The following SLC39A11 variants were observed in gnomAD, a reference collection of about 807,000 sequenced individuals.
SLC39A11 encodes zinc transporter ZIP11.
Under a neutral mutation model 36.1 loss-of-function variants are expected in SLC39A11, and 33 were observed. That is an observed-to-expected ratio of 0.91 (90% CI 0.69 to 1.22). SLC39A11 has a LOEUF of 1.22. SLC39A11 is among the 50% of genes most tolerant of loss of function. The pLI is 0.00. For missense variants in SLC39A11, 432 were observed against 430.3 expected, an observed-to-expected ratio of 1.00 and a Z score of -0.03; for synonymous variants, 166 against 170.3, an observed-to-expected ratio of 0.97 and a Z score of 0.20.
chr17:72,750,276 G>A (rs944167294), intron 6 of SLC39A11, among the ~76,000 whole-genome samples: 32 of 152,188 alleles, frequency 2.1e-4, no homozygotes, highest in African/African-American at 6.5e-4. Flanking sequence ...GGTTGGACCC[G>A]ATTGCCTTGT....
At chr17:72,889,119 C>T (rs549661154) in intron 5 of SLC39A11, among the ~76,000 whole-genome samples, 1 of 152,088 alleles carries the variant, frequency 6.6e-6, no homozygotes, top group Admixed American at 6.6e-5. Flanking sequence ...AATTTATAAA[C>T]GTTTAGAGAT....
chr17:72,826,757 G>C (rs971595837), intron 6 of SLC39A11, among the ~76,000 whole-genome samples: 1 of 152,146 alleles, frequency 6.6e-6, no homozygotes, highest in African/African-American at 2.4e-5. Context: ...AATGCTCACT[G>C]CTATTAGTCA....
At chr17:73,076,225 T>C (rs931976284) in intron 3 of SLC39A11, among the ~76,000 whole-genome samples, 1 of 150,166 alleles carries the variant, frequency 6.7e-6, no homozygotes, top group Admixed American at 6.6e-5. Flanking sequence ...TACTAGAGAC[T>C]TGGAGAGTAA....
At chr17:72,991,599 T>TCCCACC (rs1555669378) in intron 4 of SLC39A11, among the ~76,000 whole-genome samples, 340 of 150,750 alleles carry the variant, frequency 2.3e-3, no homozygotes, top group African/African-American at 8.0e-3. Context: ...TCTCAGATAA[T>TCCCACC]CCCCCCGCCT....
intron 3 of SLC39A11, among the ~76,000 whole-genome samples, chr17:73,053,206 CA>C (rs1376609816): frequency 6.6e-6 from 1 of 151,264 alleles, no homozygotes; most frequent in African/African-American, 2.4e-5. Flanking sequence ...ACAACAGAAA[CA>C]ACCATTATGT....
chr17:73,025,013 G>A (rs2058485782), intron 4 of SLC39A11, among the ~76,000 whole-genome samples: 1 of 151,966 alleles, frequency 6.6e-6, no homozygotes, highest in Non-Finnish European at 1.5e-5. Flanking sequence ...ACCGCGCCTG[G>A]CCAAAACTGG....
At chr17:72,899,378 C>A (rs535490644) in intron 5 of SLC39A11, among the ~76,000 whole-genome samples, 1 of 152,096 alleles carries the variant, frequency 6.6e-6, no homozygotes, top group Non-Finnish European at 1.5e-5. Flanking sequence ...AACCAACAAT[C>A]GTAATTATTT....
At chr17:72,885,360 T>C (rs1458669131) in intron 5 of SLC39A11, among the ~76,000 whole-genome samples, 5 of 152,170 alleles carry the variant, frequency 3.3e-5, no homozygotes, top group African/African-American at 9.7e-5. Context: ...ATAATTTGAT[T>C]AGTAATTTTT....
chr17:72,899,584 G>T (rs2082213787), intron 5 of SLC39A11, among the ~76,000 whole-genome samples: 1 of 152,100 alleles, frequency 6.6e-6, no homozygotes, highest in Non-Finnish European at 1.5e-5. Flanking sequence ...TCATCATCAG[G>T]ATTATAGCAA....
At chr17:73,084,509 T>C (rs1381662131) in intron 3 of SLC39A11, among the ~76,000 whole-genome samples, 1 of 148,238 alleles carries the variant, frequency 6.7e-6, no homozygotes, top group African/African-American at 2.5e-5. Flanking sequence ...GGAAAAAGTA[T>C]ATTTAGTTAG....
At chr17:72,679,347 T>C (rs1182644877) in intron 7 of SLC39A11, among the ~76,000 whole-genome samples, 1 of 152,180 alleles carries the variant, frequency 6.6e-6, no homozygotes, top group Non-Finnish European at 1.5e-5. Flanking sequence ...GATTTGATCA[T>C]TACACAGTGT....
At chr17:72,978,053 T>C (rs968262281) in intron 4 of SLC39A11, among the ~76,000 whole-genome samples, 2 of 152,162 alleles carry the variant, frequency 1.3e-5, no homozygotes, top group African/African-American at 4.8e-5. Context: ...GCCAGGGTGG[T>C]CGTTGAGAAT....
At chr17:72,958,279 AC>A (rs1157455844) in intron 4 of SLC39A11, among the ~76,000 whole-genome samples, 2 of 152,196 alleles carry the variant, frequency 1.3e-5, no homozygotes, top group African/African-American at 4.8e-5. Flanking sequence ...CATTGGAAAA[AC>A]CCTTCTAGAC....
chr17:72,858,195 G>A (rs2079761100), intron 5 of SLC39A11, among the ~76,000 whole-genome samples: 1 of 152,100 alleles, frequency 6.6e-6, no homozygotes, highest in Non-Finnish European at 1.5e-5. Context: ...TATATATATG[G>A]CTAGCCAGTT....
intron 6 of SLC39A11, among the ~76,000 whole-genome samples, chr17:72,812,531 T>G (rs908664518): frequency 1.3e-5 from 2 of 152,188 alleles, no homozygotes; most frequent in African/African-American, 2.4e-5. Context: ...AAGTAATTCT[T>G]GATGAGCAAG....
chr17:73,048,592 A>C (rs904483558), intron 3 of SLC39A11, among the ~76,000 whole-genome samples: 2 of 152,122 alleles, frequency 1.3e-5, no homozygotes, highest in African/African-American at 4.8e-5. Flanking sequence ...CTCTGTTTTA[A>C]GCTCTTTGAG....
In SLC39A11 at chr17:72,849,817, A is replaced by G. The variant is rs745553592; in HGVS notation, c.431-13T>C. The G allele has an allele frequency of 3.8e-5, 58 of 1,518,666 alleles. No individual in the cohort carries two copies. The highest frequency in any genetic ancestry group is 4.7e-5 in the Non-Finnish European group (53 of 1,137,134). The allele number at this position is 1,518,666 out of a possible 1,614,324, so 94.1% of individuals were successfully genotyped here. Reference sequence around the variant, plus strand: ...TTCTCACTCTTGTCTGAGCAAAAAAAAAAAAAAAGAGAGATGGGGAAAGAC... The same window carrying G: ...TTCTCACTCTTGTCTGAGCAAAAAAGAAAAAAAAGAGAGATGGGGAAAGAC... On this transcript the variant is annotated splice_polypyrimidine_tract_variant and intron_variant, in intron 5 of 9. Coordinates refer to ENST00000255559, the MANE Select transcript of SLC39A11 (RefSeq NM_139177.4).
intron 5 of SLC39A11, among the ~76,000 whole-genome samples, chr17:72,885,658 C>T (rs372756159): frequency 1.7e-5 from 2 of 114,386 alleles, no homozygotes; most frequent in African/African-American, 4.7e-5. Flanking sequence ...TTCTTGTGAA[C>T]GCTGGATCCA....
chr17:72,795,285 G>C (rs1274442619), intron 6 of SLC39A11, among the ~76,000 whole-genome samples: 1 of 152,038 alleles, frequency 6.6e-6, no homozygotes, highest in African/African-American at 2.4e-5. Context: ...GGCTTGAGTG[G>C]GGCTGAAGGA....
Sources: gnomAD v4.1 joint callset for allele counts (sites outside exome capture counted in the v4.1 genomes callset) on GRCh38, gnomAD v4.1.1 for gene constraint, MANE v1.5 for transcripts, NCBI Gene and HGNC (gene_info 2026-07-23, HGNC 2026-07-21) for gene names.